NPAS3: variants seen among roughly 807,000 people sequenced by gnomAD.
The protein encoded by NPAS3 is neuronal PAS domain-containing protein 3.
A neutral mutation model predicts 73.1 loss-of-function variants in NPAS3; 14 were observed. The ratio of observed to expected loss-of-function variants is 0.19; its 90% CI spans 0.13 to 0.30. The LOEUF is 0.30. Ranked by LOEUF, NPAS3 falls within the 10% of genes least tolerant of loss-of-function variation. The probability of loss-of-function intolerance (pLI) is 1.00; values close to 1 mark genes in which losing one functional copy is unlikely to be tolerated. For missense variants in NPAS3, 1,096 were observed against 1,250.0 expected, an observed-to-expected ratio of 0.88 and a Z score of 1.86; for synonymous variants, 620 against 541.5, an observed-to-expected ratio of 1.14 and a Z score of -2.01.
rs368334408 is a variant in NPAS3, at chr14:33,702,344, C to T, written c.733+25959C>T. On this transcript the variant is annotated intron_variant, in intron 6 of 11. Coordinates refer to ENST00000356141, the Ensembl canonical transcript of NPAS3. Reference sequence around the variant, plus strand: ...ATTTGGAACATACTCCTATCATTTTCAGTCATTTTCAGTGCTTTTGATGGA... The same window carrying T: ...ATTTGGAACATACTCCTATCATTTTTAGTCATTTTCAGTGCTTTTGATGGA... 6.6e-5 allele frequency among the ~76,000 whole-genome samples: 10 copies of T among 152,304 alleles called. No individual in the cohort carries two copies. In the East Asian group the frequency reaches 9.7e-4, roughly 15 times the overall value.
chr14:33,264,976 T>C (rs530157391), intron 3 of NPAS3, among the ~76,000 whole-genome samples: 1 of 152,302 alleles, frequency 6.6e-6, no homozygotes, highest in East Asian at 1.9e-4. Flanking sequence ...TCATATTTCT[T>C]GAGGTAATAT....
intron 7 of NPAS3, among the ~76,000 whole-genome samples, chr14:33,745,442 C>T (rs1286326053): frequency 6.6e-6 from 1 of 152,174 alleles, no homozygotes; most frequent in Non-Finnish European, 1.5e-5. Context: ...TATTTAACTT[C>T]TTTAAGCATC....
intron 1 of NPAS3, among the ~76,000 whole-genome samples, chr14:33,008,096 A>T (rs1037567170): frequency 1.3e-5 from 2 of 152,250 alleles, no homozygotes; most frequent in Admixed American, 6.5e-5. Context: ...AATAATTCCT[A>T]ATAAAATGCT....
chr14:33,774,398 C>T, exon 8 of NPAS3: 1 of 1,614,102 alleles, frequency 6.2e-7, no homozygotes, highest in South Asian at 1.1e-5. Context: ...AGGACCGTCC[C>T]CAGCCAAATC....
chr14:33,750,600 T>G (rs2061936737), intron 7 of NPAS3, among the ~76,000 whole-genome samples: 1 of 140,620 alleles, frequency 7.1e-6, no homozygotes, highest in Non-Finnish European at 1.5e-5. Flanking sequence ...AAAAGAGAAG[T>G]CTAGTGTAAC....
At chr14:33,047,976 A>C (rs985027847) in intron 1 of NPAS3, among the ~76,000 whole-genome samples, 1 of 152,162 alleles carries the variant, frequency 6.6e-6, no homozygotes, top group Non-Finnish European at 1.5e-5. Flanking sequence ...AGGGATAATT[A>C]TTTGCATTGC....
At chr14:33,199,911 A>G (rs1333951051) in intron 2 of NPAS3, among the ~76,000 whole-genome samples, 1 of 152,184 alleles carries the variant, frequency 6.6e-6, no homozygotes, top group Non-Finnish European at 1.5e-5. Context: ...TATCGAAGAC[A>G]TACTCTATAT....
rs149962130 is a variant in NPAS3 at position 32,941,778 on chromosome 14, C to T, written c.50+2412C>T. 3.9e-4 allele frequency among the ~76,000 whole-genome samples: 60 copies of T among 152,192 alleles called. 1 individual carries two copies. Among genetic ancestry groups the T allele is most frequent in the African/African-American group, 1.4e-3 (57 of 41,522 alleles). On this transcript the variant is annotated intron_variant, in intron 1 of 11. Coordinates refer to ENST00000356141, the Ensembl canonical transcript of NPAS3. ...AATAACAGCGGGGTGGGGGCAGGAG[C>T]ACTGTGGAAGATAGGAAGGAAGGAG... is the stretch of plus-strand genomic sequence containing the variant.
At chr14:33,283,209 A>G (rs909404364) in intron 3 of NPAS3, among the ~76,000 whole-genome samples, 14 of 152,208 alleles carry the variant, frequency 9.2e-5, no homozygotes, top group Non-Finnish European at 2.9e-5. Flanking sequence ...AGGATAAATG[A>G]CATGCCCACG....
chr14:32,948,685 C>T (rs1407045254), intron 1 of NPAS3, among the ~76,000 whole-genome samples: 1 of 152,066 alleles, frequency 6.6e-6, no homozygotes, highest in African/African-American at 2.4e-5. Context: ...TGATTAGAGC[C>T]TCAGGCCTGC....
intron 7 of NPAS3, among the ~76,000 whole-genome samples, chr14:33,761,001 T>C: frequency 6.6e-6 from 1 of 152,214 alleles, no homozygotes; most frequent in East Asian, 1.9e-4. Flanking sequence ...TTTTATTTAG[T>C]CATCACTGGC....
chr14:32,970,618 A>T (rs2139309015), intron 1 of NPAS3, among the ~76,000 whole-genome samples: 1 of 152,296 alleles, frequency 6.6e-6, no homozygotes, highest in Non-Finnish European at 1.5e-5. Context: ...GGAGGCTAGA[A>T]TTCTGAGATC....
chr14:33,367,256 C>T (rs1377413093), exon 4 of NPAS3: 1 of 865,490 alleles, frequency 1.2e-6, no homozygotes, highest in Non-Finnish European at 2.0e-6. Flanking sequence ...ATTTGGGAAG[C>T]CACATTTTGC....
intron 1 of NPAS3, among the ~76,000 whole-genome samples, chr14:33,055,665 A>T (rs571679170): frequency 6.2e-5 from 9 of 146,270 alleles, no homozygotes; most frequent in African/African-American, 1.0e-4. Flanking sequence ...TCTGAGATTT[A>T]AAAAAAAAAA....
chr14:33,598,451 C>G (rs2057308365), intron 5 of NPAS3, among the ~76,000 whole-genome samples: 1 of 152,184 alleles, frequency 6.6e-6, no homozygotes, highest in African/African-American at 2.4e-5. Flanking sequence ...TTCATCTGAT[C>G]AAGTGTCTAA....
intron 2 of NPAS3, among the ~76,000 whole-genome samples, chr14:33,182,479 T>G (rs1001334254): frequency 2.6e-5 from 4 of 152,190 alleles, no homozygotes; most frequent in Admixed American, 2.6e-4. Context: ...AACTTAAAGG[T>G]TGTAACAAAT....
At chr14:33,792,229 G>C (rs912857302) in intron 9 of NPAS3, among the ~76,000 whole-genome samples, 4 of 152,070 alleles carry the variant, frequency 2.6e-5, no homozygotes, top group African/African-American at 9.7e-5. Flanking sequence ...AACCTGTGGA[G>C]CCACGCCACC....
chr14:33,080,875 G>A (rs559383620), intron 2 of NPAS3, among the ~76,000 whole-genome samples: 229 of 152,298 alleles, frequency 1.5e-3, no homozygotes, highest in African/African-American at 5.4e-3. Flanking sequence ...GTTAAAAGCT[G>A]CTTAACAAAG....
At position 32,957,971 on chromosome 14, in the gene NPAS3, A is replaced by ACAT. The variant is rs1429614343; in HGVS notation, c.50+18606_50+18607insATC. The stretch of plus-strand genomic sequence containing the variant: ...ATTATTGCAGTTACATTCACTGTCC[A>ACAT]CCGCTCCAACTCAGTACAGAAAAGC... On this transcript the variant is annotated intron_variant, in intron 1 of 11. Coordinates refer to ENST00000356141, the Ensembl canonical transcript of NPAS3. 1.3e-3 allele frequency among the ~76,000 whole-genome samples: 195 copies of ACAT among 152,278 alleles called. 1 individual carries two copies. The highest frequency in any genetic ancestry group is 4.3e-3 in the African/African-American group (178 of 41,566).
Sources: gnomAD v4.1 joint callset for allele counts (sites outside exome capture counted in the v4.1 genomes callset) on GRCh38, gnomAD v4.1.1 for gene constraint, MANE v1.5 for transcripts, NCBI Gene and HGNC (gene_info 2026-07-23, HGNC 2026-07-21) for gene names.